Variants in KCNAB1 observed in about 807,000 individuals in gnomAD.
The protein encoded by KCNAB1 is voltage-gated potassium channel subunit beta-1.
KCNAB1 carries 35 observed loss-of-function variants against 64.6 expected under a neutral mutation model. The observed-to-expected ratio is 0.54, with a 90% CI of 0.41 to 0.72. KCNAB1 has a LOEUF of 0.72. Among genes scored for constraint, KCNAB1 ranks in the 30% least tolerant of loss-of-function variants. The pLI, the probability that KCNAB1 is intolerant of heterozygous loss-of-function variation, is 0.00. For missense variants in KCNAB1, 401 were observed against 512.9 expected, an observed-to-expected ratio of 0.78 and a Z score of 2.11; for synonymous variants, 177 against 183.8, an observed-to-expected ratio of 0.96 and a Z score of 0.30.
intron 1 of KCNAB1, among the ~76,000 whole-genome samples, chr3:156,237,480 C>G (rs1716914961): frequency 6.6e-6 from 1 of 151,758 alleles, no homozygotes. Context: ...TGACTGTTGA[C>G]ATTTTGGGGA....
intron 1 of KCNAB1, among the ~76,000 whole-genome samples, chr3:156,201,375 A>G (rs891754473): frequency 6.6e-6 from 1 of 152,142 alleles, no homozygotes; most frequent in Non-Finnish European, 1.5e-5. Context: ...CATATACCCT[A>G]TCCTCCCCAC....
Position 156,415,133 on chromosome 3 carries a change from G to C in KCNAB1, c.276-6483G>C, listed in dbSNP as rs565259747. Among the ~76,000 whole-genome samples the C allele has an allele frequency of 7.2e-5, 11 of 152,252 alleles. No individual in the cohort carries two copies. In the South Asian group the frequency reaches 2.3e-3, roughly 32 times the overall value. ...GCTGGAAGATCATTAGGGCAACTGA[G>C]AGGATCATTAGGCCAGGGAAGTGGG... On this transcript the variant is annotated intron_variant, in intron 1 of 13. Transcript: ENST00000490337.
At chr3:156,469,554 A>G (rs745373824) in intron 7 of KCNAB1, among the ~76,000 whole-genome samples, 2 of 152,152 alleles carry the variant, frequency 1.3e-5, no homozygotes, top group Non-Finnish European at 2.9e-5. Context: ...GAAATATCTT[A>G]AATTCCCTCC....
At chr3:156,131,222 G>A (rs1453222048) in intron 1 of KCNAB1, among the ~76,000 whole-genome samples, 2 of 152,140 alleles carry the variant, frequency 1.3e-5, no homozygotes, top group African/African-American at 4.8e-5. Context: ...ACGGTTTTGA[G>A]GAGCACTTAC....
chr3:156,132,497 C>G (rs1714058569), intron 1 of KCNAB1, among the ~76,000 whole-genome samples: 1 of 152,154 alleles, frequency 6.6e-6, no homozygotes, highest in Non-Finnish European at 1.5e-5. Flanking sequence ...ATGTGTTATT[C>G]CTCCCCCATT....
chr3:156,386,882 C>A (rs1258318450), intron 1 of KCNAB1, among the ~76,000 whole-genome samples: 1 of 152,242 alleles, frequency 6.6e-6, no homozygotes, highest in African/African-American at 2.4e-5. Context: ...CTTTGAGAAC[C>A]AAAGCCAGGG....
At chr3:156,351,720 G>A (rs552981241) in intron 1 of KCNAB1, among the ~76,000 whole-genome samples, 1 of 152,304 alleles carries the variant, frequency 6.6e-6, no homozygotes, top group East Asian at 1.9e-4. Flanking sequence ...CTCACCAGCT[G>A]AGCTGTGCAT....
intron 1 of KCNAB1, among the ~76,000 whole-genome samples, chr3:156,137,552 C>CT (rs1249409467): frequency 0.052 from 7,336 of 142,212 alleles, 191 homozygotes; most frequent in African/African-American, 0.066. Context: ...CAAACTTCCT[C>CT]TTTTTTTTTT....
At chr3:156,318,172 T>C (rs550023272) in intron 1 of KCNAB1, among the ~76,000 whole-genome samples, 4 of 152,156 alleles carry the variant, frequency 2.6e-5, no homozygotes, top group South Asian at 2.1e-4. Flanking sequence ...TGAGAGACAA[T>C]AGGACTAAGC....
intron 1 of KCNAB1, among the ~76,000 whole-genome samples, chr3:156,146,029 A>T (rs1000163063): frequency 8.5e-5 from 13 of 152,166 alleles, no homozygotes; most frequent in African/African-American, 3.1e-4. Flanking sequence ...ATTTGGTCAG[A>T]CGCCATTGCA....
rs186146331 is a variant in KCNAB1 at position 156,309,004 on chromosome 3, G to A, written c.276-112612G>A. ...AAGTTATTTTTTCCCTTTTAATTGG[G>A]GGTCCATTACTTATTTTTCTGCTTT... On this transcript the variant is annotated intron_variant, in intron 1 of 13. Transcript: ENST00000490337. Among the ~76,000 whole-genome samples the A allele has an allele frequency of 7.9e-5, 12 of 151,978 alleles. No homozygotes were observed. The East Asian group carries it at 2.3e-3, about 29-fold the overall frequency.
chr3:156,390,366 T>C (rs1712941433), intron 1 of KCNAB1, among the ~76,000 whole-genome samples: 1 of 152,230 alleles, frequency 6.6e-6, no homozygotes, highest in African/African-American at 2.4e-5. Context: ...AACCCTACTT[T>C]TTTTTATGGC....
chr3:156,220,241 G>A (rs1013565355), intron 1 of KCNAB1, among the ~76,000 whole-genome samples: 4 of 152,168 alleles, frequency 2.6e-5, no homozygotes, highest in Non-Finnish European at 4.4e-5. Flanking sequence ...ACAGTAATGG[G>A]ATCACTGGGT....
At chr3:156,140,840 C>T (rs920399034) in intron 1 of KCNAB1, among the ~76,000 whole-genome samples, 9 of 151,964 alleles carry the variant, frequency 5.9e-5, no homozygotes, top group East Asian at 1.9e-4. Flanking sequence ...AATTGTGTAC[C>T]GGGGCTGGGA....
intron 1 of KCNAB1, among the ~76,000 whole-genome samples, chr3:156,379,613 G>A (rs1357470206): frequency 6.6e-6 from 1 of 152,190 alleles, no homozygotes; most frequent in Non-Finnish European, 1.5e-5. Flanking sequence ...GGGGGCCCCT[G>A]TGGAACCACA....
intron 12 of KCNAB1, among the ~76,000 whole-genome samples, chr3:156,528,065 G>A (rs1322555050): frequency 1.3e-5 from 2 of 151,924 alleles, no homozygotes; most frequent in Non-Finnish European, 2.9e-5. Flanking sequence ...TGGTGACCTC[G>A]AGTAGTCAGG....
intron 1 of KCNAB1, among the ~76,000 whole-genome samples, chr3:156,408,502 G>A (rs893000071): frequency 2.0e-5 from 3 of 152,172 alleles, no homozygotes; most frequent in African/African-American, 7.2e-5. Flanking sequence ...CTAGAGGGCC[G>A]GGCGCAGTGG....
At chr3:156,532,620 T>C (rs1339626915) in intron 13 of KCNAB1, among the ~76,000 whole-genome samples, 3 of 152,136 alleles carry the variant, frequency 2.0e-5, no homozygotes, top group Non-Finnish European at 4.4e-5. Context: ...GTGGAATAAA[T>C]GGTATAGATC....
chr3:156,204,722 A>T (rs1225966496), intron 1 of KCNAB1, among the ~76,000 whole-genome samples: 1 of 152,196 alleles, frequency 6.6e-6, no homozygotes, highest in East Asian at 1.9e-4. Flanking sequence ...AGTCCCAGCT[A>T]CTCAGGAGGC....
Sources: gnomAD v4.1 joint callset for allele counts (sites outside exome capture counted in the v4.1 genomes callset) on GRCh38, gnomAD v4.1.1 for gene constraint, MANE v1.5 for transcripts, NCBI Gene and HGNC (gene_info 2026-07-23, HGNC 2026-07-21) for gene names.